Variants in ERG observed in about 807,000 individuals in gnomAD.
ERG encodes transcriptional regulator ERG.
Under a neutral mutation model 55.3 loss-of-function variants are expected in ERG, and 9 were observed. The ratio of observed to expected loss-of-function variants is 0.16; its 90% CI spans 0.10 to 0.28. The LOEUF (loss-of-function observed/expected upper bound fraction) is 0.28. ERG is among the 10% of genes least tolerant of loss of function. The pLI, the probability that ERG is intolerant of heterozygous loss-of-function variation, is 1.00. For missense variants in ERG, 434 were observed against 631.6 expected (o/e 0.69, Z 3.35); for synonymous variants, 223 against 237.3 (o/e 0.94, Z 0.55).
chr21:38,402,789 G>A, intron 4 of ERG, 152 bp from the exon 5 acceptor site: 2 of 610,174 alleles, frequency 3.3e-6, no homozygotes, highest in Non-Finnish European at 5.5e-6. Context: ...ATCATGGGAA[G>A]CTTATAACTA....
At chr21:38,462,898 A>G (rs1888389453) in intron 1 of ERG, among the ~76,000 whole-genome samples, 1 of 152,182 alleles carries the variant, frequency 6.6e-6, no homozygotes, top group South Asian at 2.1e-4. Context: ...GCAGGCCTGT[A>G]AAGCGGACCA....
chr21:38,538,125 T>A (rs964915353), intron 2 of ERG, among the ~76,000 whole-genome samples: 1 of 152,120 alleles, frequency 6.6e-6, no homozygotes, highest in Non-Finnish European at 1.5e-5. Context: ...GGCAGTCAAA[T>A]TCACAGAAAC....
chr21:38,474,731 A>ATT (rs5843909), intron 1 of ERG, among the ~76,000 whole-genome samples: 1 of 147,060 alleles, frequency 6.8e-6, no homozygotes, highest in African/African-American at 2.5e-5. Context: ...ACTTGGCTCC[A>ATT]TTTTTTTTTT....
chr21:38,596,062 G>A (rs1331746782), intron 1 of ERG, among the ~76,000 whole-genome samples: 2 of 151,124 alleles, frequency 1.3e-5, no homozygotes, highest in African/African-American at 2.4e-5. Flanking sequence ...GGATTGGGGG[G>A]GGGGGGTCTC....
intron 6 of ERG, chr21:38,395,437 T>G (rs1396300222): frequency 9.1e-6 from 2 of 218,734 alleles, no homozygotes; most frequent in Non-Finnish European, 1.8e-5. Flanking sequence ...ATTTTACATT[T>G]AATTTTCGCT....
intron 1 of ERG, among the ~76,000 whole-genome samples, chr21:38,581,042 A>G (rs1601274352): frequency 6.6e-6 from 1 of 152,316 alleles, no homozygotes; most frequent in South Asian, 2.1e-4. Context: ...CCAGGGAAAC[A>G]CACACAAGAT....
intron 6 of ERG, among the ~76,000 whole-genome samples, chr21:38,392,661 C>T (rs1000709524): frequency 6.6e-6 from 1 of 152,162 alleles, no homozygotes; most frequent in African/African-American, 2.4e-5. Flanking sequence ...TGAAAACTTC[C>T]ATTGGCAGAT....
chr21:38,368,732 C>A, the ERG span, among the ~76,000 whole-genome samples: 1 of 152,040 alleles, frequency 6.6e-6, no homozygotes, highest in Non-Finnish European at 1.5e-5. Context: ...AGCCTAGTAC[C>A]CATAAGTTAT....
At chr21:38,644,074 AC>A (rs556148711) in intron 1 of ERG, among the ~76,000 whole-genome samples, 283 of 152,224 alleles carry the variant, frequency 1.9e-3, no homozygotes, top group African/African-American at 6.4e-3. Context: ...CTTCATAGCC[AC>A]TTTTTCCCCT....
intron 1 of ERG, among the ~76,000 whole-genome samples, chr21:38,650,113 C>T (rs1309668878): frequency 6.6e-6 from 1 of 152,062 alleles, no homozygotes; most frequent in African/African-American, 2.4e-5. Context: ...TTACAGTAAG[C>T]ACTGCCCACT....
At chr21:38,572,826 A>T (rs1407558990) in intron 2 of ERG, among the ~76,000 whole-genome samples, 1 of 144,968 alleles carries the variant, frequency 6.9e-6, no homozygotes, top group Non-Finnish European at 1.5e-5. Flanking sequence ...TATTGACATT[A>T]ACCAATACGA....
At chr21:38,507,504 G>A (rs1336043966) in intron 2 of ERG, among the ~76,000 whole-genome samples, 1 of 151,414 alleles carries the variant, frequency 6.6e-6, no homozygotes, top group African/African-American at 2.4e-5. Flanking sequence ...CTGTGTCAGT[G>A]ATGGCCCTCA....
intron 1 of ERG, among the ~76,000 whole-genome samples, chr21:38,652,209 C>T (rs2060492347): frequency 6.6e-6 from 1 of 152,118 alleles, no homozygotes; most frequent in Non-Finnish European, 1.5e-5. Flanking sequence ...CACCAGCAGG[C>T]CTGACTCCTC....
intron 2 of ERG, among the ~76,000 whole-genome samples, chr21:38,504,310 T>C (rs1054844634): frequency 1.3e-5 from 2 of 152,174 alleles, no homozygotes; most frequent in African/African-American, 4.8e-5. Flanking sequence ...AAACACAATT[T>C]CATAAGCATC....
intron 1 of ERG, chr21:38,471,470 A>G (rs2059138688): frequency 6.6e-6 from 1 of 152,246 alleles, no homozygotes; most frequent in African/African-American, 2.4e-5. Context: ...CCACTGGAAC[A>G]GTTCTTGAGA....
chr21:38,441,882 C>G (rs963495520), intron 2 of ERG, among the ~76,000 whole-genome samples: 3 of 152,216 alleles, frequency 2.0e-5, no homozygotes, highest in Admixed American at 6.5e-5. Context: ...CACCTTGTTC[C>G]CTTCATGAAC....
chr21:38,394,368 T>G (rs998828870), intron 6 of ERG, among the ~76,000 whole-genome samples: 4 of 151,760 alleles, frequency 2.6e-5, no homozygotes, highest in Non-Finnish European at 5.9e-5. Context: ...TTTTTTTTTT[T>G]TGGAGGTGGA....
chr21:38,519,886 G>T (rs1171676057), intron 2 of ERG, among the ~76,000 whole-genome samples: 1 of 152,098 alleles, frequency 6.6e-6, no homozygotes, highest in Non-Finnish European at 1.5e-5. Context: ...AGATGCAGTT[G>T]AGAAGCCCTT....
chr21:38,401,278 C>G (rs891898406), intron 5 of ERG, among the ~76,000 whole-genome samples: 1 of 152,164 alleles, frequency 6.6e-6, no homozygotes, highest in Non-Finnish European at 1.5e-5. Context: ...AACTTTCACT[C>G]AATGGTTAAA....
Sources: gnomAD v4.1 joint callset for allele counts (sites outside exome capture counted in the v4.1 genomes callset) on GRCh38, gnomAD v4.1.1 for gene constraint, MANE v1.5 for transcripts, NCBI Gene and HGNC (gene_info 2026-07-23, HGNC 2026-07-21) for gene names.